The following FRRS1 variants were observed in gnomAD, a reference collection of about 807,000 sequenced individuals.
FRRS1 encodes ferric chelate reductase 1.
FRRS1 carries 51 observed loss-of-function variants against 70.7 expected under a neutral mutation model. The observed-to-expected ratio is 0.72, with a 90% CI of 0.58 to 0.91. The LOEUF is 0.91. Ranked by LOEUF, FRRS1 falls within the 40% of genes least tolerant of loss-of-function variation. The pLI is 0.00. For missense variants in FRRS1, 672 were observed against 726.0 expected (o/e 0.93, Z 0.86); for synonymous variants, 225 against 238.7 (o/e 0.94, Z 0.53).
chr1:99,740,819 G>A lies in FRRS1; in HGVS notation c.550C>T (p.Pro184Ser), dbSNP rs1655919719. The part of the protein sequence containing the change: ...KATVVPLPTL[P>S]PVSHLTKPFS... ...GGTTTGGTTAAGTGGGAAACGGGAGGTAACGTTGGCAAAGGTACTACTGTA... is the reference window on the plus strand; with the variant it reads ...GGTTTGGTTAAGTGGGAAACGGGAGATAACGTTGGCAAAGGTACTACTGTA... Residue 184 changes from proline (P) to serine (S), a missense_variant, in exon 6 of 17, where the codon CCT becomes TCT. Transcript: ENST00000646001. The A allele has an allele frequency of 1.9e-6, 3 of 1,612,416 alleles. No homozygotes were observed. Among genetic ancestry groups the A allele is most frequent in the Admixed American group, 1.7e-5 (1 of 59,982 alleles).
At chr1:99,727,194 T>C (rs939212993) in intron 9 of FRRS1, among the ~76,000 whole-genome samples, 1 of 152,208 alleles carries the variant, frequency 6.6e-6, no homozygotes, top group Non-Finnish European at 1.5e-5. Flanking sequence ...GAAGAATCTA[T>C]CTAAAATGCT....
intron 9 of FRRS1, among the ~76,000 whole-genome samples, chr1:99,728,085 T>A (rs1655155560): frequency 6.6e-6 from 1 of 152,234 alleles, no homozygotes. Context: ...GGAGATGAGA[T>A]TCATATTGGG....
At chr1:99,741,245 T>C (rs10875246) in intron 5 of FRRS1, among the ~76,000 whole-genome samples, 30,492 of 152,190 alleles carry the variant, frequency 0.2, 5,564 homozygotes, top group African/African-American at 0.48. Context: ...TCCTGGCATA[T>C]GAAGAACATA....
Position 99,707,345 on chromosome 1 carries a change from G to A in FRRS1, c.*1683C>T, listed in dbSNP as rs12040070. Among the ~76,000 whole-genome samples, 21,995 of 151,768 alleles carry A rather than the reference G, an allele frequency of 0.14. 1,669 individuals carry two copies. The highest frequency in any genetic ancestry group is 0.21 in the South Asian group (1,024 of 4,816). On this transcript the variant is annotated 3_prime_UTR_variant, in exon 17 of 17. Transcript: ENST00000646001. ...ACACCATATAGAAATTAGGTTCTCG[G>A]GCCAAGCAGAAACTATAACATAATC...
At chr1:99,764,555 C>T (rs1172982) in intron 1 of FRRS1, among the ~76,000 whole-genome samples, 75,467 of 152,014 alleles carry the variant, frequency 0.5, 22,741 homozygotes, top group African/African-American at 0.85. Flanking sequence ...AGAAGACCTT[C>T]ACCCCTCTTT....
intron 3 of FRRS1, 34 bp downstream of exon 3, chr1:99,748,539 T>G: frequency 6.6e-7 from 1 of 1,512,222 alleles, no homozygotes; most frequent in South Asian, 1.2e-5. Flanking sequence ...AAGAGTGAAA[T>G]CCAAAATGTA....
intron 14 of FRRS1, 26 bp downstream of exon 14, chr1:99,712,079 G>A (rs373272274): frequency 2.8e-5 from 42 of 1,515,012 alleles, no homozygotes; most frequent in Non-Finnish European, 3.6e-5. Context: ...AATTATATAT[G>A]AATAAGTGGC....
chr1:99,710,768 A>G, intron 15 of FRRS1, 38 bp downstream of exon 15: 1 of 1,590,092 alleles, frequency 6.3e-7, no homozygotes, highest in Non-Finnish European at 8.6e-7. Context: ...GTTTGTATAG[A>G]AGTGCTTCTA....
At chr1:99,742,386 A>G (rs1237891500) in intron 4 of FRRS1, 113 bp from the exon 5 acceptor site, 25 of 660,884 alleles carry the variant, frequency 3.8e-5, no homozygotes, top group Non-Finnish European at 6.8e-5. Context: ...CATTCTGGTG[A>G]AGACTATTTT....
intron 9 of FRRS1, among the ~76,000 whole-genome samples, chr1:99,726,106 C>G (rs1417462345): frequency 6.6e-6 from 1 of 152,096 alleles, no homozygotes; most frequent in Admixed American, 6.5e-5. Flanking sequence ...GGAACACTTC[C>G]CCCTTGCTGT....
chr1:99,726,608 A>G (rs1192669545), intron 9 of FRRS1, among the ~76,000 whole-genome samples: 2 of 152,270 alleles, frequency 1.3e-5, no homozygotes, highest in African/African-American at 4.8e-5. Context: ...GATAGCTGCA[A>G]TCATAACAAC....
chr1:99,714,513 CTT>C (rs1654426311), intron 12 of FRRS1, among the ~76,000 whole-genome samples: 1 of 152,098 alleles, frequency 6.6e-6, no homozygotes, highest in Non-Finnish European at 1.5e-5. Flanking sequence ...TAACTGTCTT[CTT>C]TGTAGAAAAT....
intron 5 of FRRS1, 84 bp from the exon 6 acceptor site, chr1:99,741,024 A>G (rs1655933662): frequency 8.1e-7 from 1 of 1,242,154 alleles, no homozygotes; most frequent in South Asian, 1.4e-5. Flanking sequence ...AAAAAAAGAA[A>G]GACTAAACTA....
In FRRS1 at chr1:99,706,819, G is replaced by A. The variant is rs1257811008; in HGVS notation, c.*2209C>T. The stretch of plus-strand genomic sequence containing the variant: ...TGAGACAAGACTCGCTTGAACCCAG[G>A]AGGTGGAGGCTGCAGTGAGCCAACA... On this transcript the variant is annotated 3_prime_UTR_variant, in exon 17 of 17. Transcript: ENST00000646001. 6.6e-6 allele frequency among the ~76,000 whole-genome samples: 1 copy of A among 151,788 alleles called. No individual in the cohort carries two copies. The highest frequency in any genetic ancestry group is 2.4e-5 in the African/African-American group (1 of 41,228).
intron 1 of FRRS1, 87 bp from the exon 2 acceptor site, chr1:99,749,088 T>G (rs980764413): frequency 6.0e-5 from 12 of 200,834 alleles, no homozygotes; most frequent in African/African-American, 9.5e-5. Context: ...CGAGCTGGAG[T>G]GCAGTGGCAC....
rs781377027 is a variant in FRRS1, at chr1:99,710,820, C to T, written c.1610G>A (p.Arg537Gln). ...TEVVLEVHAYRLSRKVEILDD... is the reference protein window; with the variant it reads ...TEVVLEVHAYQLSRKVEILDD... ...TACCAGGTTACCTTTGCGAGAGAGC[C>T]GATAAGCATGTACCTCCAGAACAAC... Residue 537 changes from arginine (R) to glutamine (Q), a missense_variant, in exon 15 of 17, where the codon CGG becomes CAG. Transcript: ENST00000646001. 1.1e-5 allele frequency: 17 copies of T among 1,613,468 alleles called. No individual in the cohort carries two copies. In the Admixed American group the frequency reaches 1.3e-4, roughly 13 times the overall value.
intron 9 of FRRS1, among the ~76,000 whole-genome samples, chr1:99,725,591 C>T (rs1655047073): frequency 6.6e-6 from 1 of 152,110 alleles, no homozygotes; most frequent in South Asian, 2.1e-4. Context: ...ACATTAAGCG[C>T]GACACTTGGA....
chr1:99,730,590 G>A (rs534886081), intron 7 of FRRS1, among the ~76,000 whole-genome samples: 99 of 152,220 alleles, frequency 6.5e-4, no homozygotes, highest in African/African-American at 2.3e-3. Flanking sequence ...CAAGCGGGCC[G>A]GGCGAGGTGG....
intron 1 of FRRS1, among the ~76,000 whole-genome samples, chr1:99,754,373 A>C (rs1190375907): frequency 6.6e-6 from 1 of 152,172 alleles, no homozygotes; most frequent in Admixed American, 6.6e-5. Context: ...CAGCTACTCA[A>C]GAGGCTTAGG....
Sources: allele counts gnomAD v4.1 joint callset (sites outside exome capture counted in the v4.1 genomes callset), GRCh38; gene constraint gnomAD v4.1.1; transcripts MANE v1.5; gene names NCBI Gene and HGNC (gene_info 2026-07-23, HGNC 2026-07-21).